The following ADGRV1 variants were observed in gnomAD, a reference collection of about 807,000 sequenced individuals.
ADGRV1 encodes G-protein coupled receptor 98.
ADGRV1 carries 359 observed loss-of-function variants against 596.2 expected under a neutral mutation model. That is an observed-to-expected ratio of 0.60 (90% CI 0.55 to 0.66). The LOEUF is 0.66. Among genes scored for constraint, ADGRV1 ranks in the 30% least tolerant of loss-of-function variants. ADGRV1 has a pLI of 0.00. For synonymous variants in ADGRV1, 2,681 were observed against 2,679.2 expected, an observed-to-expected ratio of 1.00 and a Z score of -0.02; for missense variants, 7,274 against 7,575.6, an observed-to-expected ratio of 0.96 and a Z score of 1.48.
chr5:90,943,049 C>T (rs1037884544), intron 83 of ADGRV1, among the ~76,000 whole-genome samples: 3 of 152,136 alleles, frequency 2.0e-5, no homozygotes, highest in Admixed American at 6.6e-5. Flanking sequence ...ACTGACTAAA[C>T]TGGCTGTCAC....
In ADGRV1 at chr5:90,810,595, G is replaced by T; in HGVS notation, c.15335G>T (p.Arg5112Leu). The change falls in exon 74 of 90, where the codon CGC (arginine) becomes CTC (leucine). Residue 5112 changes from arginine to leucine, a missense_variant. Arg to Leu is a moderately radical substitution (Grantham distance 102). Around this residue, in one of 5 missense-constraint regions of ADGRV1, gnomAD observed 1,874 missense variants for 1,970.2 expected, o/e 0.95. Transcript: ENST00000405460. ...AAGTTTGATGTTAATTGGAGCCCAC[G>T]CCTGAATCTAGATTTCAGTGTTGCA... ...LQKFDVNWSP[R>L]LNLDFSVAVI... 1 of 1,613,878 alleles carries T rather than the reference G, an allele frequency of 6.2e-7. No homozygotes were observed. The highest frequency in any genetic ancestry group is 2.2e-5 in the East Asian group (1 of 44,888).
intron 70 of ADGRV1, among the ~76,000 whole-genome samples, chr5:90,795,339 G>A (rs1445922836): frequency 1.3e-5 from 2 of 152,168 alleles, no homozygotes; most frequent in African/African-American, 4.8e-5. Context: ...CCATGGCTGA[G>A]GCTTGAGTAG....
At chr5:90,749,936 C>A (rs374455149) in intron 52 of ADGRV1, among the ~76,000 whole-genome samples, 41 of 152,206 alleles carry the variant, frequency 2.7e-4, no homozygotes, top group African/African-American at 9.4e-4. Flanking sequence ...AGGCCATGAG[C>A]TAAGGATGAA....
chr5:90,711,865 C>T (rs1749401129), intron 41 of ADGRV1, among the ~76,000 whole-genome samples: 1 of 152,156 alleles, frequency 6.6e-6, no homozygotes, highest in Admixed American at 6.5e-5. Flanking sequence ...CAACCTCCAC[C>T]TCCCAGGTTC....
chr5:90,637,576 G>C, intron 10 of ADGRV1, 149 bp from the exon 11 acceptor site: 2 of 443,770 alleles, frequency 4.5e-6, no homozygotes, highest in Non-Finnish European at 3.9e-6. Context: ...GTTTGGTTGT[G>C]TTTTAATGCA....
At position 90,855,789 on chromosome 5, in the gene ADGRV1, CTA is replaced by C; in HGVS notation, c.17645_17646del (p.Tyr5882CysfsTer18). On this transcript the variant is annotated frameshift_variant, in exon 82 of 90. Transcript: ENST00000405460. LOFTEE classifies it high-confidence loss of function. ...GCAAAGTGGTTGAGGAAACTGCAGA[CTA>C]TGTGGAATGTGCCTGTTCACACATG... ...FCKVVEETADYVECACSHMSV... is the reference protein window; with the variant it reads ...FCKVVEETADXVECACSHMSV... 1 of 1,604,920 alleles carries C rather than the reference CTA, an allele frequency of 6.2e-7. No homozygotes were observed. The highest frequency in any genetic ancestry group is 8.5e-7 in the Non-Finnish European group (1 of 1,175,530).
intron 58 of ADGRV1, chr5:90,760,099 C>A (rs1301116916): frequency 6.6e-6 from 1 of 152,202 alleles, no homozygotes; most frequent in Non-Finnish European, 1.5e-5. Flanking sequence ...ATGGTGAAAC[C>A]CCGTCTCTAC....
At chr5:91,040,726 G>T (rs551592171) in intron 85 of ADGRV1, among the ~76,000 whole-genome samples, 1 of 152,116 alleles carries the variant, frequency 6.6e-6, no homozygotes, top group Non-Finnish European at 1.5e-5. Context: ...TGCAATTTTG[G>T]ATCATCTGAT....
Position 90,846,110 on chromosome 5 carries a change from G to A in ADGRV1, c.17020-2527G>A, listed in dbSNP as rs777650544. On this transcript the variant is annotated intron_variant, in intron 78 of 89. Transcript: ENST00000405460. ...AATGAGGAACATGATCCACTTTCAC[G>A]ATGAGCTTGAAACAGATAAATCATT... is the stretch of plus-strand genomic sequence containing the variant. Among the ~76,000 whole-genome samples the A allele has an allele frequency of 8.3e-4, 126 of 152,208 alleles. 1 individual carries two copies. Among genetic ancestry groups the A allele is most frequent in the Non-Finnish European group, 7.5e-4 (51 of 68,032 alleles).
intron 1 of ADGRV1, among the ~76,000 whole-genome samples, chr5:90,597,927 G>A (rs1180777247): frequency 6.6e-6 from 1 of 152,134 alleles, no homozygotes; most frequent in Non-Finnish European, 1.5e-5. Flanking sequence ...TCTTTTAAAT[G>A]TTTGAACTAT....
intron 83 of ADGRV1, among the ~76,000 whole-genome samples, chr5:90,918,228 A>G (rs992416141): frequency 6.6e-6 from 1 of 152,116 alleles, no homozygotes; most frequent in Non-Finnish European, 1.5e-5. Flanking sequence ...GTTTGGGACC[A>G]GCTCTGGTTT....
rs1750952462 is a variant in ADGRV1 at position 90,721,518 on chromosome 5, A to ATAAATTAAAAT, written c.9748+463_9748+464insTTAAAATTAAA. Reference sequence around the variant, plus strand: ...GACTTGGTCTAAAAAATAAAATAAAATAAAATAAAAATAAAAATAAAATAA... The same window carrying ATAAATTAAAAT: ...GACTTGGTCTAAAAAATAAAATAAAATAAATTAAAATTAAAATAAAAATAAAAATAAAATAA... On this transcript the variant is annotated intron_variant, in intron 45 of 89. Coordinates refer to ENST00000405460, the MANE Select transcript of ADGRV1 (RefSeq NM_032119.4). Among the ~76,000 whole-genome samples, 3 of 98,010 alleles carry ATAAATTAAAAT rather than the reference A, an allele frequency of 3.1e-5. No individual in the cohort carries two copies. In the South Asian group the frequency reaches 9.2e-4, roughly 30 times the overall value. The allele number at this position is 98,010 out of a possible 152,430, so 64.3% of individuals were successfully genotyped here. A position where few individuals can be genotyped will look rare whatever the true frequency, so the allele number is the denominator to read the frequency against.
At chr5:90,592,348 A>G (rs1018491637) in intron 1 of ADGRV1, among the ~76,000 whole-genome samples, 1 of 152,178 alleles carries the variant, frequency 6.6e-6, no homozygotes, top group Non-Finnish European at 1.5e-5. Context: ...ATTCTAAGAG[A>G]AGTAACTCAG....
In ADGRV1 at chr5:90,836,739, G is replaced by A. The variant is rs562531433; in HGVS notation, c.16612-3839G>A. ...TAATGAAGGAGTTTGGGTAAAGGGT[G>A]TAGGAAATCTCCTTTATTATTTCTT... On this transcript the variant is annotated intron_variant, in intron 77 of 89. Coordinates refer to ENST00000405460, the MANE Select transcript of ADGRV1 (RefSeq NM_032119.4). 5.9e-5 allele frequency among the ~76,000 whole-genome samples: 9 copies of A among 152,300 alleles called. No homozygotes were observed. The East Asian group carries it at 1.7e-3, about 29-fold the overall frequency.
At chr5:91,112,849 T>G (rs1279110292) in intron 87 of ADGRV1, among the ~76,000 whole-genome samples, 1 of 152,150 alleles carries the variant, frequency 6.6e-6, no homozygotes, top group Non-Finnish European at 1.5e-5. Flanking sequence ...CCTCTAAATT[T>G]TGTCCTAAGG....
intron 83 of ADGRV1, among the ~76,000 whole-genome samples, chr5:90,879,859 A>G (rs1380347082): frequency 1.3e-5 from 2 of 152,070 alleles, no homozygotes; most frequent in Non-Finnish European, 2.9e-5. Flanking sequence ...AGGCAGGAGA[A>G]TCAATCGCTT....
intron 75 of ADGRV1, among the ~76,000 whole-genome samples, chr5:90,816,707 C>G (rs562982639): frequency 1.3e-5 from 2 of 151,964 alleles, no homozygotes; most frequent in African/African-American, 2.4e-5. Context: ...TGATGGTTTC[C>G]AGCTTCATCC....
intron 21 of ADGRV1, among the ~76,000 whole-genome samples, chr5:90,659,764 G>T (rs937754451): frequency 2.0e-5 from 3 of 152,180 alleles, no homozygotes; most frequent in African/African-American, 7.2e-5. Context: ...CGGGCGCGGT[G>T]GCTCACGCCT....
intron 86 of ADGRV1, among the ~76,000 whole-genome samples, chr5:91,091,194 C>A (rs1790355036): frequency 6.6e-6 from 1 of 152,056 alleles, no homozygotes; most frequent in Admixed American, 6.6e-5. Context: ...AAAACAATCC[C>A]ATTGAAGTGT....
Sources: allele counts gnomAD v4.1 joint callset (sites outside exome capture counted in the v4.1 genomes callset), GRCh38; gene constraint gnomAD v4.1.1; regional missense constraint gnomAD v4.1.1; transcripts MANE v1.5; gene names NCBI Gene and HGNC (gene_info 2026-07-23, HGNC 2026-07-21).